DAB1: variants seen among roughly 807,000 people sequenced by gnomAD.
DAB1 encodes DAB adaptor protein 1, also known as disabled homolog 1.
Under a neutral mutation model 64.6 loss-of-function variants are expected in DAB1, and 15 were observed. That is an observed-to-expected ratio of 0.23 (90% confidence interval 0.16 to 0.36). The LOEUF is 0.36. Among genes scored for constraint, DAB1 ranks in the 10% least tolerant of loss-of-function variants. DAB1 has a pLI of 1.00. For missense variants in DAB1, 596 were observed against 706.7 expected (o/e 0.84, Z 1.78); for synonymous variants, 235 against 251.9 (o/e 0.93, Z 0.64).
At chr1:58,202,647 C>T (rs1658063861) in intron 4 of DAB1, among the ~76,000 whole-genome samples, 1 of 152,194 alleles carries the variant, frequency 6.6e-6, no homozygotes, top group Non-Finnish European at 1.5e-5. Context: ...TGAATGTGTT[C>T]TGTAAAATAG....
intron 7 of DAB1, among the ~76,000 whole-genome samples, chr1:57,601,531 A>G (rs1433664510): frequency 1.3e-5 from 2 of 152,146 alleles, no homozygotes; most frequent in African/African-American, 4.8e-5. Context: ...TTGCGCCTCC[A>G]GACTGGAGTC....
chr1:58,494,476 C>T (rs995232715), intron 3 of DAB1, among the ~76,000 whole-genome samples: 1 of 152,168 alleles, frequency 6.6e-6, no homozygotes, highest in Non-Finnish European at 1.5e-5. Flanking sequence ...TCAGAGTGAA[C>T]AGGCAACCTA....
chr1:57,992,270 AG>A (rs1373930117), intron 5 of DAB1, among the ~76,000 whole-genome samples: 12 of 152,208 alleles, frequency 7.9e-5, no homozygotes, highest in African/African-American at 2.4e-4. Context: ...TAGGGCTTCA[AG>A]GGTGCCAGAA....
At chr1:58,033,129 A>G (rs1265468095) in intron 5 of DAB1, among the ~76,000 whole-genome samples, 1 of 152,212 alleles carries the variant, frequency 6.6e-6, no homozygotes, top group African/African-American at 2.4e-5. Flanking sequence ...ATGGGATACA[A>G]TATGGGTTCC....
chr1:58,417,232 T>C (rs1171082897), intron 3 of DAB1, among the ~76,000 whole-genome samples: 1 of 152,158 alleles, frequency 6.6e-6, no homozygotes, highest in African/African-American at 2.4e-5. Flanking sequence ...AAACCAGCTG[T>C]GGTTATCTTA....
At chr1:57,171,596 A>G (rs1661771927) in intron 2 of DAB1, among the ~76,000 whole-genome samples, 1 of 152,184 alleles carries the variant, frequency 6.6e-6, no homozygotes, top group East Asian at 1.9e-4. Context: ...TTACTGTCAA[A>G]TCTTCCACAG....
At chr1:57,694,187 GA>G (rs1163216268) in intron 6 of DAB1, among the ~76,000 whole-genome samples, 1 of 152,124 alleles carries the variant, frequency 6.6e-6, no homozygotes, top group Non-Finnish European at 1.5e-5. Context: ...TTTAAGTTTT[GA>G]AATAAAATTA....
chr1:57,183,764 G>A (rs1663233738), intron 2 of DAB1, among the ~76,000 whole-genome samples: 1 of 152,138 alleles, frequency 6.6e-6, no homozygotes, highest in Non-Finnish European at 1.5e-5. Flanking sequence ...CTCCTCAGAG[G>A]ACTCACAATT....
At chr1:57,164,870 C>T (rs894719749) in intron 2 of DAB1, among the ~76,000 whole-genome samples, 1 of 152,136 alleles carries the variant, frequency 6.6e-6, no homozygotes, top group African/African-American at 2.4e-5. Flanking sequence ...CAGGTCTACT[C>T]AGGTTGATTT....
In DAB1 at chr1:57,057,880, T is replaced by C. The variant is rs370523504; in HGVS notation, c.723+5004A>G. ...GCCTTGGCCTCCCAAAGTGCTGGGA[T>C]TACAGGCATGAGCCACCGCGCCCGG... On this transcript the variant is annotated intron_variant, in intron 9 of 14. Transcript: ENST00000371236. 2.8e-4 allele frequency among the ~76,000 whole-genome samples: 43 copies of C among 152,276 alleles called. No homozygotes were observed. The South Asian group carries it at 4.1e-3, about 15-fold the overall frequency.
intron 5 of DAB1, among the ~76,000 whole-genome samples, chr1:57,981,605 A>G (rs1209133172): frequency 2.0e-5 from 3 of 152,160 alleles, no homozygotes; most frequent in African/African-American, 7.2e-5. Context: ...AGGGGGTTGT[A>G]ATCTTTCAAT....
intron 2 of DAB1, among the ~76,000 whole-genome samples, chr1:57,173,198 C>T (rs1457974778): frequency 6.6e-6 from 1 of 152,140 alleles, no homozygotes; most frequent in Non-Finnish European, 1.5e-5. Context: ...AAGCCAGCAA[C>T]AGCTTCCAGT....
At chr1:57,740,418 T>C (rs1224222084) in intron 6 of DAB1, among the ~76,000 whole-genome samples, 1 of 152,110 alleles carries the variant, frequency 6.6e-6, no homozygotes. Context: ...ATACTAGACC[T>C]CAGTACTAGA....
chr1:57,358,627 T>C (rs1290730486), intron 1 of DAB1, among the ~76,000 whole-genome samples: 3 of 151,500 alleles, frequency 2.0e-5, no homozygotes, highest in African/African-American at 7.3e-5. Context: ...AAAAAAAAAA[T>C]CTTAAAATTC....
chr1:57,915,317 C>A (rs1644710496), intron 5 of DAB1, among the ~76,000 whole-genome samples: 1 of 152,072 alleles, frequency 6.6e-6, no homozygotes, highest in South Asian at 2.1e-4. Flanking sequence ...ACAAAATTAT[C>A]TTTAGAAATA....
At chr1:57,710,156 A>C (rs576199239) in intron 6 of DAB1, among the ~76,000 whole-genome samples, 25 of 151,962 alleles carry the variant, frequency 1.6e-4, no homozygotes, top group Non-Finnish European at 3.4e-4. Flanking sequence ...ACTGACTCTC[A>C]CCCATGTCAA....
chr1:57,308,236 C>T (rs900118073), intron 1 of DAB1, among the ~76,000 whole-genome samples: 1 of 152,158 alleles, frequency 6.6e-6, no homozygotes. Context: ...CTTTCAGCTT[C>T]CAGAGAGCAG....
intron 9 of DAB1, chr1:57,033,494 A>C (rs1647030000): frequency 6.2e-7 from 1 of 1,612,846 alleles, no homozygotes; most frequent in South Asian, 1.1e-5. Context: ...GACATGAAAC[A>C]GTTAACCAGA....
rs543908174 is a variant in DAB1, at chr1:57,450,386, C to A, written n.626-159220G>T. On this transcript the variant is annotated intron_variant and non_coding_transcript_variant, in intron 7 of 20. Coordinates refer to the DAB1 transcript ENST00000485760. ...CCAAATAATTTAGCTTATGATCAGT[C>A]CTTTGCGATATTTTTTGCTGAAAAA... Among the ~76,000 whole-genome samples the A allele has an allele frequency of 3.4e-4, 51 of 152,146 alleles. 1 individual carries two copies. The highest frequency in any genetic ancestry group is 1.0e-3 in the South Asian group (5 of 4,820).
Sources: allele counts gnomAD v4.1 joint callset (sites outside exome capture counted in the v4.1 genomes callset), GRCh38; gene constraint gnomAD v4.1.1; transcripts MANE v1.5; gene names NCBI Gene and HGNC (gene_info 2026-07-23, HGNC 2026-07-21).